The following RELN variants were observed in gnomAD, a reference collection of about 807,000 sequenced individuals.
RELN encodes reelin.
A neutral mutation model predicts 427.6 loss-of-function variants in RELN; 108 were observed. The observed-to-expected ratio is 0.25, with a 90% CI of 0.22 to 0.30. The LOEUF (loss-of-function observed/expected upper bound fraction) is 0.30, where lower values mean the gene tolerates loss of function less well. RELN is among the 10% of genes least tolerant of loss of function. The probability of loss-of-function intolerance (pLI) is 1.00; values close to 1 mark genes in which losing one functional copy is unlikely to be tolerated. For synonymous variants in RELN, 1,524 were observed against 1,513.4 expected (o/e 1.01, Z -0.16); for missense variants, 3,715 against 4,302.8 (o/e 0.86, Z 3.82).
intron 6 of RELN, among the ~76,000 whole-genome samples, chr7:103,746,666 C>T (rs931214408): frequency 6.6e-6 from 1 of 152,100 alleles, no homozygotes; most frequent in East Asian, 1.9e-4. Context: ...TGAAAAAATG[C>T]TCATCATCAG....
chr7:103,618,760 T>C (rs984961073), intron 20 of RELN, among the ~76,000 whole-genome samples: 1 of 152,192 alleles, frequency 6.6e-6, no homozygotes, highest in South Asian at 2.1e-4. Flanking sequence ...ATCTTAAAGC[T>C]AGATAAACTT....
intron 11 of RELN, among the ~76,000 whole-genome samples, chr7:103,675,241 T>A (rs1216380781): frequency 6.6e-6 from 1 of 152,122 alleles, no homozygotes; most frequent in Non-Finnish European, 1.5e-5. Flanking sequence ...TGTATATCAA[T>A]AATAGATAAG....
In RELN at chr7:103,989,145, C is replaced by T. The variant is rs762361761; in HGVS notation, c.212G>A (p.Gly71Glu). The change falls in exon 1 of 65, where the codon GGA becomes GAA. Residue 71 changes from glycine (G) to glutamate (E), a missense_variant. By Grantham distance (98) the Gly-to-Glu change is moderately conservative (BLOSUM62 -2). Around this residue, in one of 4 missense-constraint regions of RELN, gnomAD observed 2,208 missense variants for 2,361.7 expected, o/e 0.93. Coordinates refer to ENST00000428762, the MANE Select transcript of RELN (RefSeq NM_005045.4). The surrounding 1 kb of genome is among the most constrained non-coding windows in gnomAD (Gnocchi z 4.9). Reference protein sequence around the residue: ...IAGNPTYYVPGQEYHVTISTS... With the variant: ...IAGNPTYYVPEQEYHVTISTS... Reference sequence around the variant, plus strand: ...GCGGTACCTACCATGGTATTCTTGTCCCGGAACGTAGTAGGTGGGGTTGCC... The same window carrying T: ...GCGGTACCTACCATGGTATTCTTGTTCCGGAACGTAGTAGGTGGGGTTGCC... 1 of 1,613,772 alleles carries T rather than the reference C, an allele frequency of 6.2e-7. No homozygotes were observed. Among genetic ancestry groups the T allele is most frequent in the Non-Finnish European group, 8.5e-7 (1 of 1,179,948 alleles).
At chr7:103,956,323 C>G (rs1796433741) in intron 1 of RELN, among the ~76,000 whole-genome samples, 1 of 152,136 alleles carries the variant, frequency 6.6e-6, no homozygotes, top group Non-Finnish European at 1.5e-5. Flanking sequence ...TGTGCAAACA[C>G]AGTAAAACTG....
Position 103,542,864 on chromosome 7 carries a change from C to T in RELN, c.6538G>A (p.Asp2180Asn), listed in dbSNP as rs1464080801. Reference sequence around the variant, plus strand: ...CCACCACTCATTAATAAGAATCTATCAGATTCTAGCTGACCTGAAAAAATT... The same window carrying T: ...CCACCACTCATTAATAAGAATCTATTAGATTCTAGCTGACCTGAAAAAATT... The part of the protein sequence containing the change: ...KDDFEGQLES[D>N]RFLLMSGGKP... The change falls in exon 43 of 65, where the codon GAT (aspartate) becomes AAT (asparagine). Residue 2180 changes from aspartate (D) to asparagine (N), a missense_variant. By Grantham distance (23) the Asp-to-Asn change is conservative. This residue lies in a region of RELN where 1,310 missense variants were observed against 1,643.0 expected (regional missense o/e 0.80). Coordinates refer to ENST00000428762, the MANE Select transcript of RELN (RefSeq NM_005045.4). The T allele has an allele frequency of 6.2e-7, 1 of 1,614,086 alleles. No homozygotes were observed. Among genetic ancestry groups the T allele is most frequent in the Admixed American group, 1.7e-5 (1 of 60,024 alleles).
At chr7:103,916,606 T>G (rs1795486690) in intron 2 of RELN, among the ~76,000 whole-genome samples, 1 of 152,164 alleles carries the variant, frequency 6.6e-6, no homozygotes, top group Admixed American at 6.6e-5. Context: ...ATAGGATTCT[T>G]CTAAGAATAC....
intron 1 of RELN, among the ~76,000 whole-genome samples, chr7:103,928,116 A>C (rs1462609433): frequency 1.3e-5 from 2 of 152,230 alleles, no homozygotes; most frequent in Admixed American, 6.5e-5. Flanking sequence ...TTATAAACAT[A>C]TATCTTGCTC....
chr7:103,814,579 G>T (rs778284303), intron 3 of RELN, among the ~76,000 whole-genome samples: 9 of 152,136 alleles, frequency 5.9e-5, no homozygotes, highest in Non-Finnish European at 1.2e-4. Flanking sequence ...GTCTTCAAGT[G>T]CTATGCCTTG....
Position 103,626,560 on chromosome 7 carries a change from A to G in RELN, c.2702+3380T>C, listed in dbSNP as rs941385254. Among the ~76,000 whole-genome samples, 17 of 152,246 alleles carry G rather than the reference A, an allele frequency of 1.1e-4. No homozygotes were observed. The highest frequency in any genetic ancestry group is 7.4e-5 in the Non-Finnish European group (5 of 67,988). On this transcript the variant is annotated intron_variant, in intron 20 of 64. Transcript: ENST00000428762. This position sits in a 1 kb window ranked among gnomAD's most constrained non-coding sequence, Gnocchi z 4.4. ...GAGATGGCGTTTTACCATGTTGGCCAGGCTGGTCTTTGAATTCCTGGCCTC... is the reference window on the plus strand; with the variant it reads ...GAGATGGCGTTTTACCATGTTGGCCGGGCTGGTCTTTGAATTCCTGGCCTC...
In RELN at chr7:103,573,272, A is replaced by G. The variant is rs145725772; in HGVS notation, c.4511+820T>C. ...AGGAAAAATCTAACTTAAGAAGCTGAATACCATATTTGTTTAGAGTCAGAT... is the reference window on the plus strand; with the variant it reads ...AGGAAAAATCTAACTTAAGAAGCTGGATACCATATTTGTTTAGAGTCAGAT... On this transcript the variant is annotated intron_variant, in intron 30 of 64. Transcript: ENST00000428762. The surrounding 1 kb of genome is among the most constrained non-coding windows in gnomAD (Gnocchi z 4.4). Among the ~76,000 whole-genome samples, 1 of 152,346 alleles carries G rather than the reference A, an allele frequency of 6.6e-6. No individual in the cohort carries two copies. The highest frequency in any genetic ancestry group is 1.9e-4 in the East Asian group (1 of 5,184).
At chr7:103,880,919 C>T (rs1475643938) in intron 2 of RELN, among the ~76,000 whole-genome samples, 1 of 152,084 alleles carries the variant, frequency 6.6e-6, no homozygotes, top group Non-Finnish European at 1.5e-5. Flanking sequence ...TGGTCTTGAA[C>T]TCCTGAGCAC....
In RELN at chr7:103,545,242, C is replaced by T. The variant is rs1406332449; in HGVS notation, c.6405G>A (p.Met2135Ile). 5.6e-6 allele frequency: 9 copies of T among 1,613,980 alleles called. No individual in the cohort carries two copies. The highest frequency in any genetic ancestry group is 7.6e-6 in the Non-Finnish European group (9 of 1,179,834). ...TGATACAGCTCCCCTGTCCATTACACATCTCCTCACACTGGGGACCGATGT... is the reference window on the plus strand; with the variant it reads ...TGATACAGCTCCCCTGTCCATTACATATCTCCTCACACTGGGGACCGATGT... ...NVYIGPQCEE[M>I]CNGQGSCING... Residue 2135 changes from methionine to isoleucine, a missense_variant, in exon 42 of 65, where the codon ATG becomes ATA. By Grantham distance (10) the Met-to-Ile change is conservative (BLOSUM62 1). Transcript: ENST00000428762.
At chr7:103,742,606 C>A (rs181057411) in intron 6 of RELN, among the ~76,000 whole-genome samples, 61 of 152,234 alleles carry the variant, frequency 4.0e-4, no homozygotes, top group Admixed American at 1.1e-3. Context: ...GGCACGAGAG[C>A]TACATGACGA....
At chr7:103,778,903 C>G (rs1434718292) in intron 3 of RELN, among the ~76,000 whole-genome samples, 1 of 152,296 alleles carries the variant, frequency 6.6e-6, no homozygotes, top group East Asian at 1.9e-4. Context: ...TCCACACTAC[C>G]TATTTCCCAA....
intron 6 of RELN, among the ~76,000 whole-genome samples, chr7:103,731,732 A>C (rs1336743214): frequency 1.3e-5 from 2 of 152,114 alleles, no homozygotes; most frequent in Non-Finnish European, 2.9e-5. Context: ...CCTTGAAATA[A>C]GGTGGGATGG....
intron 6 of RELN, among the ~76,000 whole-genome samples, chr7:103,748,189 A>C (rs1790896683): frequency 7.2e-6 from 1 of 139,430 alleles, no homozygotes; most frequent in Non-Finnish European, 1.6e-5. Context: ...AATTTATTTT[A>C]AGAAAATGTA....
chr7:103,890,066 T>C (rs1563073388), intron 2 of RELN, among the ~76,000 whole-genome samples: 2 of 152,172 alleles, frequency 1.3e-5, no homozygotes, highest in Admixed American at 6.5e-5. Context: ...AGCCCTTCCA[T>C]GGCACCTCTG....
intron 11 of RELN, among the ~76,000 whole-genome samples, chr7:103,664,759 T>G (rs1284527152): frequency 6.6e-6 from 1 of 152,168 alleles, no homozygotes; most frequent in Admixed American, 6.5e-5. Context: ...TATTGGCCAG[T>G]TGGGGTCACT....
At chr7:103,489,676 A>G in intron 60 of RELN, 66 bp downstream of exon 60, 1 of 1,561,926 alleles carries the variant, frequency 6.4e-7, no homozygotes. Context: ...GGACTTTTGT[A>G]TATATGTTAA....
Sources: allele counts gnomAD v4.1 joint callset (sites outside exome capture counted in the v4.1 genomes callset), GRCh38; gene constraint gnomAD v4.1.1; regional missense constraint gnomAD v4.1.1; non-coding constraint Gnocchi (gnomAD v3.1); transcripts MANE v1.5; gene names NCBI Gene and HGNC (gene_info 2026-07-23, HGNC 2026-07-21).